Variants in SLCO3A1 observed in about 807,000 individuals in gnomAD.
SLCO3A1 encodes solute carrier organic anion transporter family member 3A1, also known as PGE1 transporter.
SLCO3A1 carries 27 observed loss-of-function variants against 63.1 expected under a neutral mutation model. That is an observed-to-expected ratio of 0.43 (90% confidence interval 0.32 to 0.59). The LOEUF is 0.59. SLCO3A1 is among the 20% of genes least tolerant of loss of function. SLCO3A1 has a pLI of 0.09. For missense variants in SLCO3A1, 773 were observed against 945.8 expected (o/e 0.82, Z 2.40); for synonymous variants, 473 against 409.9 (o/e 1.15, Z -1.86).
At chr15:91,889,201 T>C in intron 1 of SLCO3A1, 1 of 1,277,284 alleles carries the variant, frequency 7.8e-7, no homozygotes, top group South Asian at 1.2e-5. Context: ...GCTCCTTAGA[T>C]GAATGTAAGT....
At chr15:92,147,259 C>A in intron 8 of SLCO3A1, 100 bp downstream of exon 8, 2 of 1,241,634 alleles carry the variant, frequency 1.6e-6, no homozygotes, top group Non-Finnish European at 2.2e-6. Context: ...ATCTCTCGAA[C>A]CAGGTGAGCT....
chr15:92,130,883 GGCA>G (rs1567135777), intron 7 of SLCO3A1, among the ~76,000 whole-genome samples: 1 of 90,882 alleles, frequency 1.1e-5, no homozygotes, highest in Non-Finnish European at 2.5e-5. Flanking sequence ...CCAAGTTCGG[GGCA>G]AAAAAAAAAA....
intron 2 of SLCO3A1, among the ~76,000 whole-genome samples, chr15:91,927,413 C>CT (rs1334346807): frequency 6.6e-6 from 1 of 152,216 alleles, no homozygotes; most frequent in African/African-American, 2.4e-5. Flanking sequence ...AAAAGACTCA[C>CT]TGTTGGGGCA....
In SLCO3A1 at chr15:91,885,779, G is replaced by A. The variant is rs957175944; in HGVS notation, c.181-30214G>A. ...CTATTTTTATGGCTGCTAACAAATC[G>A]GCTGGACCTTTCTCTAAAGGCCTCT... On this transcript the variant is annotated intron_variant, in intron 1 of 9. Coordinates refer to ENST00000318445, the MANE Select transcript of SLCO3A1 (RefSeq NM_013272.4). This position sits in a 1 kb window ranked among gnomAD's most constrained non-coding sequence, Gnocchi z 4.7. Among the ~76,000 whole-genome samples the A allele has an allele frequency of 7.9e-5, 12 of 152,156 alleles. No individual in the cohort carries two copies. Among genetic ancestry groups the A allele is most frequent in the African/African-American group, 2.4e-4 (10 of 41,446 alleles).
intron 2 of SLCO3A1, among the ~76,000 whole-genome samples, chr15:92,075,224 A>G (rs1374553571): frequency 1.3e-5 from 2 of 152,088 alleles, no homozygotes; most frequent in African/African-American, 4.8e-5. Flanking sequence ...ATTCCCCATG[A>G]CAGTGTTCCA....
intron 7 of SLCO3A1, among the ~76,000 whole-genome samples, chr15:92,136,992 C>A (rs929342718): frequency 3.7e-5 from 5 of 136,316 alleles, no homozygotes; most frequent in East Asian, 2.2e-4. Flanking sequence ...TTTAATTATA[C>A]TTTAAGTTTT....
chr15:91,988,238 A>C (rs1195078570), intron 2 of SLCO3A1, among the ~76,000 whole-genome samples: 1 of 152,016 alleles, frequency 6.6e-6, no homozygotes, highest in Non-Finnish European at 1.5e-5. Flanking sequence ...CCTCGTCTCT[A>C]CAAAAAAAAT....
At chr15:92,085,419 C>T (rs1362111203) in intron 2 of SLCO3A1, among the ~76,000 whole-genome samples, 1 of 152,216 alleles carries the variant, frequency 6.6e-6, no homozygotes, top group Admixed American at 6.5e-5. Context: ...TAAGCTGCTG[C>T]CTGGAAGCCA....
chr15:92,037,908 A>G (rs1234082843), intron 2 of SLCO3A1, among the ~76,000 whole-genome samples: 1 of 152,208 alleles, frequency 6.6e-6, no homozygotes, highest in Non-Finnish European at 1.5e-5. Context: ...GGTTTATGAC[A>G]AGGTGATCTG....
chr15:92,019,345 A>G (rs138714715), intron 2 of SLCO3A1, among the ~76,000 whole-genome samples: 144 of 152,316 alleles, frequency 9.5e-4, no homozygotes, highest in African/African-American at 3.4e-3. Flanking sequence ...CACTGATTTC[A>G]TGAAAGTCAT....
At chr15:91,918,753 G>T (rs1898744110) in intron 2 of SLCO3A1, among the ~76,000 whole-genome samples, 1 of 152,200 alleles carries the variant, frequency 6.6e-6, no homozygotes, top group Admixed American at 6.5e-5. Context: ...AGTATTTGGG[G>T]TAGCCCACTG....
intron 2 of SLCO3A1, among the ~76,000 whole-genome samples, chr15:92,027,441 G>A (rs1363051838): frequency 1.3e-5 from 2 of 152,154 alleles, no homozygotes; most frequent in African/African-American, 4.8e-5. Context: ...TCGATATTGT[G>A]GATGAGCAAA....
downstream of SLCO3A1, among the ~76,000 whole-genome samples, chr15:92,169,292 T>G (rs190631373): frequency 1.9e-3 from 287 of 152,322 alleles, no homozygotes; most frequent in African/African-American, 6.7e-3. Flanking sequence ...CTTTTAGGTC[T>G]TTAAAAGCTC....
In SLCO3A1 at chr15:92,130,884, G is replaced by GA. The variant is rs1567135786; in HGVS notation, c.1512+2395_1512+2396insA. 8.5e-4 allele frequency among the ~76,000 whole-genome samples: 91 copies of GA among 107,304 alleles called. 1 individual carries two copies. The highest frequency in any genetic ancestry group is 1.6e-3 in the African/African-American group (41 of 26,136). The allele number at this position is 107,304 out of a possible 152,430, so 70.4% of individuals were successfully genotyped here. ...CACTCTTCTTGTCTCCAAGTTCGGG[G>GA]CAAAAAAAAAAAAAAAAAAAAAAAA... is the stretch of plus-strand genomic sequence containing the variant. On this transcript the variant is annotated intron_variant, in intron 7 of 9. Transcript: ENST00000318445.
rs532396761 is a variant in SLCO3A1 at position 91,880,360 on chromosome 15, C to A, written c.180+26272C>A. Among the ~76,000 whole-genome samples, 17 of 147,556 alleles carry A rather than the reference C, an allele frequency of 1.2e-4. No homozygotes were observed. The East Asian group carries it at 3.0e-3, about 26-fold the overall frequency. ...GATAGGGTCCACCAACAGATTTCCT[C>A]AGTTTTACCGGCACTCGTGCTTCTC... On this transcript the variant is annotated intron_variant, in intron 1 of 9. Coordinates refer to ENST00000318445, the MANE Select transcript of SLCO3A1 (RefSeq NM_013272.4).
intron 7 of SLCO3A1, among the ~76,000 whole-genome samples, chr15:92,130,092 A>G (rs2047974181): frequency 6.6e-6 from 1 of 152,250 alleles, no homozygotes; most frequent in Non-Finnish European, 1.5e-5. Context: ...TAAGAATTAA[A>G]TTGACTCAGT....
At chr15:91,971,326 C>T (rs1403241484) in intron 2 of SLCO3A1, among the ~76,000 whole-genome samples, 2 of 137,066 alleles carry the variant, frequency 1.5e-5, no homozygotes, top group Non-Finnish European at 3.0e-5. Flanking sequence ...ACCCGGGAGG[C>T]GGAGCTTGCA....
rs1192278102 is a variant in SLCO3A1, at chr15:92,126,161, G to A, written c.1275G>A (p.Met425Ile). The change falls in exon 6 of 10, where the codon ATG becomes ATA. Residue 425 changes from methionine to isoleucine, a missense_variant. Transcript: ENST00000318445. ...LSALGAIRMA[M>I]LVNLVSTACY... is the part of the protein sequence containing the mutation. ...CCCTGGGGGCCATTCGGATGGCCAT[G>A]CTCGTCAACCTGGTGTCCACTGCTT... 1.9e-6 allele frequency: 3 copies of A among 1,613,884 alleles called. No individual in the cohort carries two copies. The Admixed American group carries it at 5.0e-5, about 27-fold the overall frequency.
chr15:92,094,257 CACA>C (rs1273984530), intron 2 of SLCO3A1, among the ~76,000 whole-genome samples: 1 of 152,070 alleles, frequency 6.6e-6, no homozygotes, highest in African/African-American at 2.4e-5. Context: ...TACAAGCAGC[CACA>C]ACAACAGTGG....
Sources: allele counts gnomAD v4.1 joint callset (sites outside exome capture counted in the v4.1 genomes callset), GRCh38; gene constraint gnomAD v4.1.1; non-coding constraint Gnocchi (gnomAD v3.1); transcripts MANE v1.5; gene names NCBI Gene and HGNC (gene_info 2026-07-23, HGNC 2026-07-21).